TMED6: variants seen among roughly 807,000 people sequenced by gnomAD.
TMED6 encodes transmembrane emp24 domain-containing protein 6.
TMED6 carries 17 observed loss-of-function variants against 26.5 expected under a neutral mutation model. That is an observed-to-expected ratio of 0.64 (90% CI 0.44 to 0.96). TMED6 has a LOEUF of 0.96. Ranked by LOEUF, TMED6 falls within the 40% of genes least tolerant of loss-of-function variation. The pLI, the probability that TMED6 is intolerant of heterozygous loss-of-function variation, is 0.00. For missense variants in TMED6, 309 were observed against 296.5 expected (o/e 1.04, Z -0.31); for synonymous variants, 107 against 106.2 (o/e 1.01, Z -0.04).
intron 3 of TMED6, among the ~76,000 whole-genome samples, chr16:69,345,833 AC>A (rs1419340553): frequency 1.3e-5 from 2 of 150,718 alleles, no homozygotes; most frequent in East Asian, 4.0e-4. Context: ...GTGCCACCAC[AC>A]CCGGGTCATT....
At chr16:69,351,285 A>T (rs1420961344) in intron 1 of TMED6, among the ~76,000 whole-genome samples, 2 of 152,154 alleles carry the variant, frequency 1.3e-5, no homozygotes, top group Non-Finnish European at 2.9e-5. Context: ...TTACCTCTTC[A>T]GGGAGAGGCA....
At chr16:69,343,783 G>A (rs1351077911) in intron 3 of TMED6, 143 bp from the exon 4 acceptor site, 3 of 717,474 alleles carry the variant, frequency 4.2e-6, no homozygotes, top group East Asian at 2.6e-5. Flanking sequence ...GTTGTTAAAT[G>A]TTGTGTTTGC....
chr16:69,345,411 C>T (rs967308824), intron 3 of TMED6, among the ~76,000 whole-genome samples: 8 of 151,666 alleles, frequency 5.3e-5, no homozygotes, highest in African/African-American at 1.5e-4. Context: ...AGGCAGGGTG[C>T]GGTGGCTCAC....
intron 1 of TMED6, among the ~76,000 whole-genome samples, chr16:69,350,544 C>T (rs2012760389): frequency 6.6e-6 from 1 of 152,100 alleles, no homozygotes; most frequent in Non-Finnish European, 1.5e-5. Context: ...AGGTGATCCG[C>T]CTGCCTCAGC....
chr16:69,346,052 C>T (rs567541144), intron 3 of TMED6, among the ~76,000 whole-genome samples: 1 of 152,296 alleles, frequency 6.6e-6, no homozygotes, highest in East Asian at 1.9e-4. Context: ...TGAAAAGATG[C>T]TCAACATTAT....
rs112484111 is a variant in TMED6 at position 69,346,713 on chromosome 16, C to T, written c.489+1075G>A. Among the ~76,000 whole-genome samples, 567 of 152,106 alleles carry T rather than the reference C, an allele frequency of 3.7e-3. 6 individuals are homozygous for T. The highest frequency in any genetic ancestry group is 0.012 in the African/African-American group (481 of 41,486). ...CAGAGGTTGCAGTGAGCTGAGGTTG[C>T]GCCATTGCACTCCAGCCTGGACAAC... On this transcript the variant is annotated intron_variant, in intron 3 of 3. Coordinates refer to ENST00000288025, the MANE Select transcript of TMED6 (RefSeq NM_144676.4).
Position 69,347,867 on chromosome 16 carries a change from C to G in TMED6, c.410G>C (p.Gly137Ala). 1 of 1,614,112 alleles carries G rather than the reference C, an allele frequency of 6.2e-7. No individual in the cohort carries two copies. The highest frequency in any genetic ancestry group is 8.5e-7 in the Non-Finnish European group (1 of 1,180,032). Reference sequence around the variant, plus strand: ...AGTCTCAGGCCCCTCATAGAAGACCCCAAAGTTGAGGTACACTTGCACAGA... The same window carrying G: ...AGTCTCAGGCCCCTCATAGAAGACCGCAAAGTTGAGGTACACTTGCACAGA... ...FGSVQVYLNF[G>A]VFYEGPETDH... is the part of the protein sequence containing the mutation. Residue 137 changes from glycine (G) to alanine (A), a missense_variant, in exon 3 of 4, where the codon GGG (glycine) becomes GCG (alanine). Physicochemically the swap from Gly to Ala is moderately conservative, Grantham distance 60. Coordinates refer to ENST00000288025, the MANE Select transcript of TMED6 (RefSeq NM_144676.4).
At chr16:69,345,301 G>A (rs1353223195) in intron 3 of TMED6, among the ~76,000 whole-genome samples, 1 of 151,584 alleles carries the variant, frequency 6.6e-6, no homozygotes, top group African/African-American at 2.4e-5. Context: ...AAAGTGAAAA[G>A]ACATTGCCAG....
chr16:69,348,114 A>G lies in TMED6; in HGVS notation c.341-178T>C, dbSNP rs1307745231. 3 of 604,088 alleles carry G rather than the reference A, an allele frequency of 5.0e-6. No homozygotes were observed. The African/African-American group carries it at 5.6e-5, about 11-fold the overall frequency. 37.4% of individuals were successfully genotyped at this position (604,088 alleles called of 1,614,324 possible). A position where few individuals can be genotyped will look rare whatever the true frequency, so the allele number is the denominator to read the frequency against. ...ACGGACCTTATGTTAAACTTATACT[A>G]AATATTACTTATTATATTTGGCCAA... is the stretch of plus-strand genomic sequence containing the variant. On this transcript the variant is annotated intron_variant, in intron 2 of 3. Transcript: ENST00000288025.
Position 69,349,441 on chromosome 16 carries a change from A to T in TMED6, c.340+84T>A, listed in dbSNP as rs2012740735. On this transcript the variant is annotated intron_variant, in intron 2 of 3. Coordinates refer to ENST00000288025, the MANE Select transcript of TMED6 (RefSeq NM_144676.4). ...GGCTGAATTTTTTTCCTACTGTTAA[A>T]ACATCTCTGTATACTTCCTCATTAT... The T allele has an allele frequency of 7.4e-6, 11 of 1,491,754 alleles. No individual in the cohort carries two copies. In the South Asian group the frequency reaches 1.4e-4, roughly 19 times the overall value. 92.4% of individuals were successfully genotyped at this position (1,491,754 alleles called of 1,614,324 possible).
chr16:69,344,994 C>T (rs1160778054), intron 3 of TMED6, among the ~76,000 whole-genome samples: 1 of 152,064 alleles, frequency 6.6e-6, no homozygotes, highest in East Asian at 1.9e-4. Context: ...GAGACTGAAG[C>T]ATAAGAATCA....
intron 3 of TMED6, among the ~76,000 whole-genome samples, chr16:69,345,610 G>A (rs1039448378): frequency 1.0e-4 from 14 of 140,158 alleles, no homozygotes; most frequent in African/African-American, 3.2e-4. Flanking sequence ...TTGAACCCAG[G>A]AGGCAAAGGT....
intron 2 of TMED6, 61 bp downstream of exon 2, chr16:69,349,464 T>C: frequency 1.3e-6 from 2 of 1,565,980 alleles, no homozygotes; most frequent in Non-Finnish European, 1.7e-6. Flanking sequence ...ACTTCCTCAT[T>C]ATTTCTGTAA....
intron 2 of TMED6, among the ~76,000 whole-genome samples, chr16:69,348,759 C>T (rs1871747248): frequency 6.6e-6 from 1 of 152,060 alleles, no homozygotes; most frequent in Non-Finnish European, 1.5e-5. Flanking sequence ...GGATTACAGG[C>T]GCCTGCCACC....
At chr16:69,349,480 TAGG>T (rs762255467) in intron 2 of TMED6, 42 bp downstream of exon 2, 1 of 1,589,168 alleles carries the variant, frequency 6.3e-7, no homozygotes, top group Non-Finnish European at 8.6e-7. Flanking sequence ...TGTAATTTCA[TAGG>T]ACCCTATGAT....
At chr16:69,348,038 A>T in intron 2 of TMED6, 102 bp from the exon 3 acceptor site, 1 of 1,251,594 alleles carries the variant, frequency 8.0e-7, no homozygotes, top group Non-Finnish European at 1.1e-6. Flanking sequence ...CTACTACAGG[A>T]CCTTCTTTTT....
chr16:69,347,680 ATTCACATCCCC>A, intron 3 of TMED6, 97 bp downstream of exon 3: 1 of 1,478,084 alleles, frequency 6.8e-7, no homozygotes, highest in East Asian at 2.3e-5. Flanking sequence ...TTATGAAGAA[ATTCACATCCCC>A]TTGCCTGTTT....
intron 3 of TMED6, among the ~76,000 whole-genome samples, chr16:69,346,623 G>A (rs996779735): frequency 6.6e-6 from 1 of 152,094 alleles, no homozygotes; most frequent in African/African-American, 2.4e-5. Flanking sequence ...AATTAGCCGG[G>A]CATGGTGAGA....
chr16:69,348,102 T>G lies in TMED6; in HGVS notation c.341-166A>C, dbSNP rs2012715217. 12 of 684,534 alleles carry G rather than the reference T, an allele frequency of 1.8e-5. No individual in the cohort carries two copies. In the South Asian group the frequency reaches 2.8e-4, roughly 16 times the overall value. The allele number at this position is 684,534 out of a possible 1,614,324, so 42.4% of individuals were successfully genotyped here. ...GACATGGAAGACACGGACCTTATGT[T>G]AAACTTATACTAAATATTACTTATT... is the stretch of plus-strand genomic sequence containing the variant. On this transcript the variant is annotated intron_variant, in intron 2 of 3. Transcript: ENST00000288025.
Sources: allele counts gnomAD v4.1 joint callset (sites outside exome capture counted in the v4.1 genomes callset), GRCh38; gene constraint gnomAD v4.1.1; transcripts MANE v1.5; gene names NCBI Gene and HGNC (gene_info 2026-07-23, HGNC 2026-07-21).